Variants in EIF4G3 observed in about 807,000 individuals in gnomAD.
EIF4G3 encodes the protein eukaryotic translation initiation factor 4 gamma 3.
EIF4G3 carries 34 observed loss-of-function variants against 186.4 expected under a neutral mutation model. The observed-to-expected ratio is 0.18, with a 90% CI of 0.14 to 0.24. The LOEUF is 0.24. Among genes scored for constraint, EIF4G3 ranks in the 10% least tolerant of loss-of-function variants. The probability of loss-of-function intolerance (pLI) is 1.00; values close to 1 mark genes in which losing one functional copy is unlikely to be tolerated. For synonymous variants in EIF4G3, 673 were observed against 679.5 expected (o/e 0.99, Z 0.15); for missense variants, 1,536 against 1,948.5 (o/e 0.79, Z 3.99).
chr1:21,050,239 G>A (rs538126838), intron 4 of EIF4G3, among the ~76,000 whole-genome samples: 19 of 152,226 alleles, frequency 1.2e-4, no homozygotes, highest in South Asian at 8.3e-4. Flanking sequence ...ACAGTAGGTC[G>A]GTGCAAGCTA....
At chr1:20,913,952 G>A (rs1457176389) in intron 14 of EIF4G3, among the ~76,000 whole-genome samples, 2 of 151,720 alleles carry the variant, frequency 1.3e-5, no homozygotes, top group African/African-American at 2.4e-5. Context: ...GACTACAGGC[G>A]CATGCCGCCA....
At chr1:21,053,058 GGA>G (rs1179477030) in intron 3 of EIF4G3, among the ~76,000 whole-genome samples, 2 of 151,130 alleles carry the variant, frequency 1.3e-5, no homozygotes, top group African/African-American at 4.9e-5. Context: ...TGGGATGTGA[GGA>G]GCCTCTCTGC....
chr1:21,029,975 C>G (rs1037466968), intron 4 of EIF4G3, among the ~76,000 whole-genome samples: 2 of 152,098 alleles, frequency 1.3e-5, no homozygotes, highest in African/African-American at 4.8e-5. Context: ...CCTACCTCAG[C>G]CTCCCAAGTA....
chr1:21,048,369 T>G (rs949881351), intron 4 of EIF4G3, among the ~76,000 whole-genome samples: 1 of 152,164 alleles, frequency 6.6e-6, no homozygotes, highest in Non-Finnish European at 1.5e-5. Flanking sequence ...CTGAGCTCTA[T>G]AAATATTTTA....
intron 19 of EIF4G3, among the ~76,000 whole-genome samples, chr1:20,883,851 G>C (rs2083223129): frequency 6.6e-6 from 1 of 152,090 alleles, no homozygotes; most frequent in East Asian, 1.9e-4. Context: ...TTGAATGCTA[G>C]GTTAAAAAGC....
chr1:21,043,656 C>T (rs997681237), intron 4 of EIF4G3, among the ~76,000 whole-genome samples: 1 of 152,104 alleles, frequency 6.6e-6, no homozygotes, highest in Non-Finnish European at 1.5e-5. Flanking sequence ...CTCTGTGAGG[C>T]CAAGGCAGGT....
chr1:20,903,425 A>G (rs1388851612), intron 15 of EIF4G3, among the ~76,000 whole-genome samples: 1 of 152,202 alleles, frequency 6.6e-6, no homozygotes, highest in African/African-American at 2.4e-5. Flanking sequence ...TAACAGAAGA[A>G]AAATAACAAA....
chr1:20,850,677 A>T (rs1453471946), intron 28 of EIF4G3, among the ~76,000 whole-genome samples: 1 of 152,168 alleles, frequency 6.6e-6, no homozygotes, highest in African/African-American at 2.4e-5. Flanking sequence ...TTCTTATTTA[A>T]TTTTCATAAT....
intron 2 of EIF4G3, among the ~76,000 whole-genome samples, chr1:21,153,235 T>C (rs1363980079): frequency 5.3e-5 from 8 of 152,108 alleles, no homozygotes; most frequent in African/African-American, 1.9e-4. Flanking sequence ...AAGTACTACA[T>C]CTCAAAGACT....
At chr1:21,160,535 C>T (rs1416207804) in intron 2 of EIF4G3, among the ~76,000 whole-genome samples, 2 of 152,148 alleles carry the variant, frequency 1.3e-5, no homozygotes, top group East Asian at 3.9e-4. Flanking sequence ...GAAAGACCAG[C>T]AAGATGCCAA....
chr1:21,157,012 C>T (rs1214717135), intron 2 of EIF4G3, among the ~76,000 whole-genome samples: 1 of 152,060 alleles, frequency 6.6e-6, no homozygotes, highest in Non-Finnish European at 1.5e-5. Context: ...GAGCCATGAT[C>T]GTACCACTGC....
intron 25 of EIF4G3, 45 bp from the exon 26 acceptor site, chr1:20,855,116 A>G (rs1212941302): frequency 1.1e-5 from 16 of 1,427,362 alleles, no homozygotes; most frequent in Non-Finnish European, 1.5e-5. Flanking sequence ...AATATTCTAG[A>G]AGAATAGTTT....
rs3081939 is a variant in EIF4G3, at chr1:20,994,628, C to CT, written c.177+2972dup. Among the ~76,000 whole-genome samples, 878 of 124,446 alleles carry CT rather than the reference C, an allele frequency of 7.1e-3. 10 individuals carry two copies. The highest frequency in any genetic ancestry group is 0.013 in the Middle Eastern group (3 of 228). 81.6% of individuals were successfully genotyped at this position (124,446 alleles called of 152,430 possible). A position where few individuals can be genotyped will look rare whatever the true frequency, so the allele number is the denominator to read the frequency against. On this transcript the variant is annotated intron_variant, in intron 7 of 36. Coordinates refer to ENST00000602326, the MANE Select transcript of EIF4G3 (RefSeq NM_001391906.1). The stretch of plus-strand genomic sequence containing the variant: ...ATAATAAATATAATAAACATATATA[C>CT]TTTTTTTTTTTTTTTTTTGAGATAA...
At chr1:21,142,537 A>T (rs2097359291) in intron 2 of EIF4G3, among the ~76,000 whole-genome samples, 1 of 152,168 alleles carries the variant, frequency 6.6e-6, no homozygotes, top group Non-Finnish European at 1.5e-5. Context: ...TAAGTGGCTA[A>T]CTAGAATACA....
intron 3 of EIF4G3, among the ~76,000 whole-genome samples, chr1:21,072,009 T>A (rs2095456945): frequency 6.6e-6 from 1 of 152,138 alleles, no homozygotes; most frequent in African/African-American, 2.4e-5. Flanking sequence ...ATGGGATTAT[T>A]AAAAATGAAC....
At chr1:20,883,225 G>A (rs1034729740) in intron 19 of EIF4G3, among the ~76,000 whole-genome samples, 5 of 152,102 alleles carry the variant, frequency 3.3e-5, no homozygotes, top group Non-Finnish European at 4.4e-5. Flanking sequence ...ATTTAAAAAC[G>A]AAGTGATAAA....
At chr1:21,136,153 G>A (rs1057278117) in intron 2 of EIF4G3, among the ~76,000 whole-genome samples, 12 of 151,104 alleles carry the variant, frequency 7.9e-5, no homozygotes, top group East Asian at 5.9e-4. Flanking sequence ...ACTGCAGTCC[G>A]CAGTCCGGCC....
chr1:21,129,536 C>A (rs1369206042), intron 2 of EIF4G3, among the ~76,000 whole-genome samples: 1 of 151,972 alleles, frequency 6.6e-6, no homozygotes, highest in African/African-American at 2.4e-5. Flanking sequence ...GGAGAGAGTC[C>A]CATCTGATGG....
In EIF4G3 at chr1:20,973,009, T is replaced by TTC; in HGVS notation, c.582_583dup (p.Lys195ArgfsTer5). ...GTAATAAAAATCTCTTACAGTTTTTTTCTCTCTCTTGGCTGGAGGCGGCTG... is the reference window on the plus strand; with the variant it reads ...GTAATAAAAATCTCTTACAGTTTTTTTCTCTCTCTCTTGGCTGGAGGCGGCTG... On this transcript the variant is annotated frameshift_variant, in exon 11 of 37. Coordinates refer to ENST00000602326, the MANE Select transcript of EIF4G3 (RefSeq NM_001391906.1). LOFTEE classifies it high-confidence loss of function. The TTC allele has an allele frequency of 6.3e-7, 1 of 1,595,716 alleles. No individual in the cohort carries two copies. Among genetic ancestry groups the TTC allele is most frequent in the Middle Eastern group, 1.7e-4 (1 of 6,002 alleles).
Sources: gnomAD v4.1 joint callset for allele counts (sites outside exome capture counted in the v4.1 genomes callset) on GRCh38, gnomAD v4.1.1 for gene constraint, MANE v1.5 for transcripts, NCBI Gene and HGNC (gene_info 2026-07-23, HGNC 2026-07-21) for gene names.